RIMS2: variants seen among roughly 807,000 people sequenced by gnomAD.
RIMS2 encodes regulating synaptic membrane exocytosis 2.
RIMS2 carries 59 observed loss-of-function variants against 174.4 expected under a neutral mutation model. That is an observed-to-expected ratio of 0.34 (90% CI 0.27 to 0.42). The LOEUF is 0.42. Among genes scored for constraint, RIMS2 ranks in the 10% least tolerant of loss-of-function variants. RIMS2 has a pLI of 1.00. For synonymous variants in RIMS2, 606 were observed against 572.5 expected, an observed-to-expected ratio of 1.06 and a Z score of -0.84; for missense variants, 1,620 against 1,666.3, an observed-to-expected ratio of 0.97 and a Z score of 0.48.
chr8:103,623,289 G>A (rs1357120794), intron 1 of RIMS2, among the ~76,000 whole-genome samples: 6 of 152,004 alleles, frequency 3.9e-5, no homozygotes, highest in African/African-American at 7.3e-5. Context: ...TCATAGACTG[G>A]TAGTTCAGAT....
At chr8:103,553,804 C>G (rs573941645) in intron 1 of RIMS2, among the ~76,000 whole-genome samples, 34 of 152,220 alleles carry the variant, frequency 2.2e-4, no homozygotes, top group African/African-American at 8.2e-4. Flanking sequence ...TCAAACTATA[C>G]TACAAGGCTA....
chr8:104,125,667 G>A (rs2098422561), intron 19 of RIMS2, among the ~76,000 whole-genome samples: 1 of 152,078 alleles, frequency 6.6e-6, no homozygotes, highest in East Asian at 1.9e-4. Flanking sequence ...TGTTAATGAT[G>A]ACCAACTTAT....
chr8:104,067,568 T>C (rs1454431574), intron 19 of RIMS2, among the ~76,000 whole-genome samples: 1 of 151,902 alleles, frequency 6.6e-6, no homozygotes, highest in African/African-American at 2.4e-5. Flanking sequence ...TTTGTTGTTG[T>C]TGTTGTGGAG....
chr8:103,716,437 G>A (rs1273495193), intron 2 of RIMS2, 117 bp downstream of exon 5: 1 of 151,800 alleles, frequency 6.6e-6, no homozygotes, highest in Non-Finnish European at 1.5e-5. Flanking sequence ...TAGTTATGAT[G>A]CATGGTAATT....
chr8:104,237,412 G>A (rs2099264332), intron 19 of RIMS2, among the ~76,000 whole-genome samples: 1 of 152,128 alleles, frequency 6.6e-6, no homozygotes, highest in Non-Finnish European at 1.5e-5. Context: ...CAGGCTGATG[G>A]AAGGAGACAT....
At chr8:103,892,013 T>C (rs2099249128) in intron 4 of RIMS2, among the ~76,000 whole-genome samples, 1 of 152,086 alleles carries the variant, frequency 6.6e-6, no homozygotes, top group East Asian at 1.9e-4. Flanking sequence ...AATTTTTAAG[T>C]AATGAATTTA....
chr8:103,909,643 C>G (rs2075252355), intron 4 of RIMS2, among the ~76,000 whole-genome samples: 1 of 152,038 alleles, frequency 6.6e-6, no homozygotes, highest in Non-Finnish European at 1.5e-5. Context: ...TATCATACTG[C>G]ATTTCAGAAA....
At chr8:103,926,569 G>A (rs993594802) in intron 10 of RIMS2, among the ~76,000 whole-genome samples, 2 of 151,518 alleles carry the variant, frequency 1.3e-5, no homozygotes, top group African/African-American at 2.4e-5. Context: ...TTAAATAAAC[G>A]TGTCTGTTCA....
chr8:103,967,624 C>T (rs140358688), intron 15 of RIMS2, among the ~76,000 whole-genome samples: 222 of 152,090 alleles, frequency 1.5e-3, no homozygotes, highest in Middle Eastern at 6.8e-3. Flanking sequence ...TAGAGTGGTA[C>T]GGTAATCTCC....
intron 1 of RIMS2, among the ~76,000 whole-genome samples, chr8:103,632,763 G>A (rs954583688): frequency 8.5e-6 from 1 of 118,084 alleles, no homozygotes; most frequent in African/African-American, 3.6e-5. Context: ...TTTTGAGATG[G>A]AGTATCGCTC....
intron 1 of RIMS2, among the ~76,000 whole-genome samples, chr8:103,503,264 A>G (rs1044655384): frequency 8.1e-4 from 123 of 151,898 alleles, no homozygotes; most frequent in African/African-American, 2.7e-3. Context: ...AAAGCATAAT[A>G]TATTTGGACA....
chr8:103,619,667 C>G (rs908458315), intron 1 of RIMS2, among the ~76,000 whole-genome samples: 4 of 152,126 alleles, frequency 2.6e-5, no homozygotes, highest in Admixed American at 2.6e-4. Context: ...GACTTCTACT[C>G]TCTGTGTAAA....
intron 1 of RIMS2, among the ~76,000 whole-genome samples, chr8:103,630,441 A>T (rs1418424388): frequency 6.6e-6 from 1 of 152,116 alleles, no homozygotes; most frequent in African/African-American, 2.4e-5. Flanking sequence ...TTACTCTAAA[A>T]GAATGAATAA....
chr8:103,980,424 A>G (rs1395491758), intron 16 of RIMS2, among the ~76,000 whole-genome samples: 1 of 152,188 alleles, frequency 6.6e-6, no homozygotes, highest in Non-Finnish European at 1.5e-5. Context: ...ATAACCAGCA[A>G]TGATACCCAG....
intron 1 of RIMS2, among the ~76,000 whole-genome samples, chr8:103,567,262 G>A (rs1036158756): frequency 6.6e-5 from 10 of 151,932 alleles, no homozygotes; most frequent in East Asian, 1.9e-4. Context: ...TCCAGTTTTG[G>A]AATATTTTCA....
At chr8:103,592,467 A>C (rs2094308668) in intron 1 of RIMS2, among the ~76,000 whole-genome samples, 1 of 151,324 alleles carries the variant, frequency 6.6e-6, no homozygotes, top group African/African-American at 2.4e-5. Context: ...GGCATTGAGT[A>C]ATCACCTAGA....
chr8:103,980,919 C>T lies in RIMS2; in HGVS notation c.2927+5413C>T, dbSNP rs370541427. ...CCACCTTAGCCACAGTAGAATAGAA[C>T]ATCAGGCAAATTTCTAAGGTGTTTG... On this transcript the variant is annotated intron_variant, in intron 16 of 23. Coordinates refer to ENST00000504942, the Ensembl canonical transcript of RIMS2. Among the ~76,000 whole-genome samples, 6 of 152,126 alleles carry T rather than the reference C, an allele frequency of 3.9e-5. No homozygotes were observed. The South Asian group carries it at 8.3e-4, about 21-fold the overall frequency.
chr8:103,647,488 C>A (rs1291939546), intron 1 of RIMS2, among the ~76,000 whole-genome samples: 1 of 152,094 alleles, frequency 6.6e-6, no homozygotes, highest in African/African-American at 2.4e-5. Context: ...GGAATAGTTT[C>A]AGTAGAATGG....
chr8:103,613,407 A>T (rs185806523), intron 1 of RIMS2, among the ~76,000 whole-genome samples: 52 of 152,188 alleles, frequency 3.4e-4, no homozygotes, highest in African/African-American at 1.2e-3. Context: ...CTTCCATAAA[A>T]TTGTGGTGAA....
Sources: gnomAD v4.1 joint callset for allele counts (sites outside exome capture counted in the v4.1 genomes callset) on GRCh38, gnomAD v4.1.1 for gene constraint, MANE v1.5 for transcripts, NCBI Gene and HGNC (gene_info 2026-07-23, HGNC 2026-07-21) for gene names.